IPCEF1: variants seen among roughly 807,000 people sequenced by gnomAD.
The protein encoded by IPCEF1 is interaction protein for cytohesin exchange factors 1.
Under a neutral mutation model 50.9 loss-of-function variants are expected in IPCEF1, and 31 were observed. That is an observed-to-expected ratio of 0.61 (90% confidence interval 0.46 to 0.82). The LOEUF (loss-of-function observed/expected upper bound fraction) is 0.82. IPCEF1 is among the 40% of genes least tolerant of loss of function. The probability of loss-of-function intolerance (pLI) is 0.00; values close to 1 mark genes in which losing one functional copy is unlikely to be tolerated. For missense variants in IPCEF1, 458 were observed against 514.0 expected, an observed-to-expected ratio of 0.89 and a Z score of 1.05; for synonymous variants, 181 against 192.0, an observed-to-expected ratio of 0.94 and a Z score of 0.47.
intron 3 of IPCEF1, among the ~76,000 whole-genome samples, chr6:154,253,193 TTTG>T (rs983499713): frequency 8.5e-5 from 13 of 152,108 alleles, no homozygotes; most frequent in African/African-American, 3.1e-4. Flanking sequence ...CCTTGCTTTT[TTTG>T]TTGTTGTTGT....
At chr6:154,282,464 C>T (rs373395124) in intron 2 of IPCEF1, among the ~76,000 whole-genome samples, 79 of 152,072 alleles carry the variant, frequency 5.2e-4, no homozygotes, top group African/African-American at 1.5e-3. Context: ...GGGCGGATCA[C>T]GAGGTCAGGA....
At chr6:154,287,171 C>G (rs1292032025) in intron 2 of IPCEF1, among the ~76,000 whole-genome samples, 1 of 151,834 alleles carries the variant, frequency 6.6e-6, no homozygotes, top group Non-Finnish European at 1.5e-5. Flanking sequence ...CTCTCTCTCT[C>G]TCTCTCTCTC....
intron 10 of IPCEF1, among the ~76,000 whole-genome samples, chr6:154,175,386 C>CT (rs149218711): frequency 0.3 from 42,954 of 143,152 alleles, 6,980 homozygotes; most frequent in East Asian, 0.6. Flanking sequence ...AATCCAGGAG[C>CT]TTTTTTTTTT....
chr6:154,218,381 T>C (rs543011520), intron 7 of IPCEF1, among the ~76,000 whole-genome samples: 4 of 152,302 alleles, frequency 2.6e-5, no homozygotes, highest in African/African-American at 7.2e-5. Flanking sequence ...TGAGACTCAC[T>C]ACAGAACATG....
chr6:154,289,503 T>G (rs1782457471), intron 2 of IPCEF1, among the ~76,000 whole-genome samples: 1 of 151,526 alleles, frequency 6.6e-6, no homozygotes, highest in African/African-American at 2.4e-5. Context: ...ATTACTTAAT[T>G]CTCCCACTGA....
At chr6:154,263,992 G>A (rs1230971285) in intron 3 of IPCEF1, among the ~76,000 whole-genome samples, 2 of 92,658 alleles carry the variant, frequency 2.2e-5, no homozygotes, top group Non-Finnish European at 4.1e-5. Flanking sequence ...GCGGCTGGCC[G>A]GGCGGGGGGC....
chr6:154,210,264 T>C (rs948593742), intron 9 of IPCEF1, among the ~76,000 whole-genome samples: 1 of 152,168 alleles, frequency 6.6e-6, no homozygotes, highest in Non-Finnish European at 1.5e-5. Context: ...TTTGCCATTA[T>C]AAAACTGAAA....
At chr6:154,343,912 C>T (rs1382114768) in intron 1 of IPCEF1, among the ~76,000 whole-genome samples, 1 of 152,172 alleles carries the variant, frequency 6.6e-6, no homozygotes, top group Non-Finnish European at 1.5e-5. Context: ...CGTGGTGTGC[C>T]TGGCAGCATG....
intron 3 of IPCEF1, 110 bp downstream of exon 3, chr6:154,265,802 A>G: frequency 2.7e-6 from 2 of 754,704 alleles, no homozygotes; most frequent in South Asian, 1.7e-5. Flanking sequence ...ACTGTGGCTA[A>G]TGAAATTGAG....
chr6:154,345,096 C>T (rs1347251901), intron 1 of IPCEF1, among the ~76,000 whole-genome samples: 1 of 152,220 alleles, frequency 6.6e-6, no homozygotes, highest in Non-Finnish European at 1.5e-5. Flanking sequence ...TCTCAAACTC[C>T]TGACCACAGG....
chr6:154,346,239 A>T (rs1287690885), intron 1 of IPCEF1, among the ~76,000 whole-genome samples: 1 of 149,848 alleles, frequency 6.7e-6, no homozygotes, highest in Non-Finnish European at 1.5e-5. Flanking sequence ...TAATTATTTC[A>T]AGGTTATAGG....
intron 5 of IPCEF1, among the ~76,000 whole-genome samples, chr6:154,245,406 A>G (rs1352578021): frequency 6.6e-6 from 1 of 152,192 alleles, no homozygotes; most frequent in Non-Finnish European, 1.5e-5. Context: ...GCTTATTCCC[A>G]GCACTGGAAT....
At chr6:154,194,170 C>A (rs1350536871) in intron 10 of IPCEF1, among the ~76,000 whole-genome samples, 4 of 152,094 alleles carry the variant, frequency 2.6e-5, no homozygotes, top group Non-Finnish European at 5.9e-5. Context: ...GAGGCCGAGG[C>A]GGGTGGATCA....
intron 5 of IPCEF1, among the ~76,000 whole-genome samples, chr6:154,228,876 G>A (rs978785625): frequency 4.6e-5 from 7 of 152,194 alleles, no homozygotes; most frequent in African/African-American, 1.2e-4. Flanking sequence ...GCTACAGAGT[G>A]AGACCCAGTC....
chr6:154,288,445 C>T (rs915775326), intron 2 of IPCEF1, among the ~76,000 whole-genome samples: 7 of 151,952 alleles, frequency 4.6e-5, no homozygotes, highest in African/African-American at 1.2e-4. Context: ...GGGCAGATCA[C>T]GAGGTCAGGA....
chr6:154,204,855 T>C (rs117430173), intron 9 of IPCEF1, among the ~76,000 whole-genome samples: 2,607 of 152,266 alleles, frequency 0.017, 173 homozygotes, highest in Admixed American at 0.13. Context: ...ATAGTATTCA[T>C]TAGAGCTTAG....
chr6:154,169,779 C>T (rs1224151427), intron 10 of IPCEF1, among the ~76,000 whole-genome samples: 2 of 152,230 alleles, frequency 1.3e-5, no homozygotes, highest in African/African-American at 2.4e-5. Flanking sequence ...GGCAGTTCCA[C>T]CATTCTGGCC....
In IPCEF1 at chr6:154,314,162, T is replaced by C. The variant is rs575632909; in HGVS notation, c.-61-24406A>G. Among the ~76,000 whole-genome samples the C allele has an allele frequency of 8.5e-5, 13 of 152,342 alleles. 1 individual carries two copies. The highest frequency in any genetic ancestry group is 3.1e-4 in the African/African-American group (13 of 41,582). On this transcript the variant is annotated intron_variant, in intron 1 of 11. Coordinates refer to ENST00000367220, the MANE Select transcript of IPCEF1 (RefSeq NM_001130700.2). ...CATACCACTTACATTTTTGTACATT[T>C]ATAATTATAGAGTGCTTTTAATCTC... is the stretch of plus-strand genomic sequence containing the variant.
chr6:154,177,942 T>A (rs561785859), intron 10 of IPCEF1, among the ~76,000 whole-genome samples: 1 of 152,284 alleles, frequency 6.6e-6, no homozygotes, highest in South Asian at 2.1e-4. Context: ...ATATACACCA[T>A]GGGATACTAC....
Sources: allele counts gnomAD v4.1 joint callset (sites outside exome capture counted in the v4.1 genomes callset), GRCh38; gene constraint gnomAD v4.1.1; transcripts MANE v1.5; gene names NCBI Gene and HGNC (gene_info 2026-07-23, HGNC 2026-07-21).